LRRC49: variants seen among roughly 807,000 people sequenced by gnomAD.
The protein encoded by LRRC49 is leucine-rich repeat-containing protein 49.
In LRRC49, 50 loss-of-function variants were observed where a neutral mutation model predicts 83.3. The observed-to-expected ratio is 0.60, with a 90% CI of 0.48 to 0.76. The LOEUF is 0.76. Among genes scored for constraint, LRRC49 ranks in the 30% least tolerant of loss-of-function variants. The pLI, the probability that LRRC49 is intolerant of heterozygous loss-of-function variation, is 0.00. For missense variants in LRRC49, 704 were observed against 809.1 expected, an observed-to-expected ratio of 0.87 and a Z score of 1.58; for synonymous variants, 286 against 283.3, an observed-to-expected ratio of 1.01 and a Z score of -0.10.
intron 11 of LRRC49, among the ~76,000 whole-genome samples, chr15:70,987,189 G>A (rs1027145808): frequency 3.9e-5 from 6 of 152,122 alleles, no homozygotes; most frequent in Admixed American, 1.3e-4. Context: ...TCTATTGATT[G>A]GAATAGTTTC....
At chr15:70,935,898 A>T (rs2141156728) in intron 7 of LRRC49, among the ~76,000 whole-genome samples, 1 of 152,270 alleles carries the variant, frequency 6.6e-6, no homozygotes, top group South Asian at 2.1e-4. Flanking sequence ...TCGATTGGTC[A>T]CTTTTCTAGG....
chr15:70,933,985 CTG>C (rs2035508963), intron 7 of LRRC49, among the ~76,000 whole-genome samples: 1 of 152,160 alleles, frequency 6.6e-6, no homozygotes, highest in South Asian at 2.1e-4. Context: ...TTCAGGTGAT[CTG>C]TGTTTCATTT....
At chr15:70,971,448 A>G (rs1381165095) in intron 9 of LRRC49, among the ~76,000 whole-genome samples, 2 of 152,146 alleles carry the variant, frequency 1.3e-5, no homozygotes, top group Non-Finnish European at 2.9e-5. Context: ...TATTCTGTTG[A>G]TTTGGGGTGG....
intron 14 of LRRC49, among the ~76,000 whole-genome samples, chr15:71,018,163 C>G (rs2038884827): frequency 6.6e-6 from 1 of 151,174 alleles, no homozygotes; most frequent in Non-Finnish European, 1.5e-5. Flanking sequence ...ATATTATGAC[C>G]CAATGTTATT....
chr15:70,861,240 G>T (rs1217300151), intron 1 of LRRC49, among the ~76,000 whole-genome samples: 1 of 151,964 alleles, frequency 6.6e-6, no homozygotes, highest in East Asian at 1.9e-4. Context: ...CAGGGCCTAG[G>T]ATATAGTAGC....
intron 1 of LRRC49, chr15:70,893,315 C>T (rs549446816): frequency 2.5e-5 from 14 of 557,054 alleles, no homozygotes; most frequent in African/African-American, 2.3e-4. Flanking sequence ...TTATTTAGAC[C>T]TGAATGGCAA....
At chr15:71,030,411 G>A (rs1471109518) in intron 14 of LRRC49, among the ~76,000 whole-genome samples, 1 of 152,184 alleles carries the variant, frequency 6.6e-6, no homozygotes, top group East Asian at 1.9e-4. Flanking sequence ...GCTTCCCTTT[G>A]TGGGTAACCT....
chr15:70,891,565 CTCTGTGTGTGTGTGTGTG>C (rs2033565862), upstream of LRRC49, among the ~76,000 whole-genome samples: 1 of 118,954 alleles, frequency 8.4e-6, no homozygotes, highest in African/African-American at 3.0e-5. Context: ...CAGGACAAGA[CTCTGTGTGTGTGTGTGTG>C]TGTGTGTGTG....
intron 5 of LRRC49, chr15:70,907,725 G>T: frequency 3.4e-6 from 1 of 296,844 alleles, no homozygotes; most frequent in Non-Finnish European, 6.8e-6. Context: ...AACATAATGT[G>T]GCCTGCGGAG....
chr15:71,022,547 C>G (rs2039027232), intron 14 of LRRC49, among the ~76,000 whole-genome samples: 1 of 152,052 alleles, frequency 6.6e-6, no homozygotes. Context: ...AATGGAGTAG[C>G]TATTGAGGAC....
chr15:70,981,349 T>TG (rs1343616043), intron 10 of LRRC49, among the ~76,000 whole-genome samples: 5 of 65,226 alleles, frequency 7.7e-5, no homozygotes, highest in African/African-American at 3.0e-4. Flanking sequence ...TGTTGGAGGG[T>TG]GGGGGGGCTA....
chr15:70,972,859 A>G (rs1405095489), intron 9 of LRRC49, among the ~76,000 whole-genome samples: 2 of 151,824 alleles, frequency 1.3e-5, no homozygotes, highest in African/African-American at 4.8e-5. Flanking sequence ...TCTTCTCTAA[A>G]CTGGTTATTC....
chr15:71,048,788 C>T (rs1258738985), intron 15 of LRRC49: 2 of 455,878 alleles, frequency 4.4e-6, no homozygotes, highest in Non-Finnish European at 8.8e-6. Flanking sequence ...TTTCACACTG[C>T]CAGACCCAGA....
chr15:70,875,092 A>G (rs774010142), intron 2 of LRRC49, among the ~76,000 whole-genome samples: 2 of 152,274 alleles, frequency 1.3e-5, no homozygotes, highest in African/African-American at 2.4e-5. Context: ...GGCTGGGATT[A>G]TACCAGATAA....
intron 8 of LRRC49, among the ~76,000 whole-genome samples, chr15:70,939,064 A>G (rs1295460913): frequency 6.6e-6 from 1 of 152,230 alleles, no homozygotes; most frequent in East Asian, 1.9e-4. Context: ...CAACATGGAA[A>G]CTGGGTTACA....
Position 70,936,757 on chromosome 15 carries a change from CCA to C in LRRC49, c.712-3_712-2del. The stretch of plus-strand genomic sequence containing the variant: ...ATTAAGTTTTGCTGTCTATTTTCTT[CCA>C]GAGAGATGTGGATAATTTGCCCTGC... On this transcript the variant is annotated splice_acceptor_variant and splice_polypyrimidine_tract_variant and intron_variant, in intron 7 of 15. Coordinates refer to ENST00000260382, the MANE Select transcript of LRRC49 (RefSeq NM_017691.5). LOFTEE classifies it high-confidence loss of function. 3 of 1,596,294 alleles carry C rather than the reference CCA, an allele frequency of 1.9e-6. No individual in the cohort carries two copies. Among genetic ancestry groups the C allele is most frequent in the Non-Finnish European group, 2.6e-6 (3 of 1,164,452 alleles).
rs996338817 is a variant in LRRC49, at chr15:70,878,397, A to C, written c.18+5174A>C. Among the ~76,000 whole-genome samples, 4 of 152,168 alleles carry C rather than the reference A, an allele frequency of 2.6e-5. No individual in the cohort carries two copies. In the East Asian group the frequency reaches 7.7e-4, roughly 29 times the overall value. On this transcript the variant is annotated intron_variant, in intron 2 of 16. Coordinates refer to the LRRC49 transcript ENST00000544974. ...ACAACCTTATTTCCTCCTTTTAAACATCTGTGCATTTTGTTTTGCCATTTC... is the reference window on the plus strand; with the variant it reads ...ACAACCTTATTTCCTCCTTTTAAACCTCTGTGCATTTTGTTTTGCCATTTC...
rs548713688 is a variant in LRRC49, at chr15:71,028,096, C to T, written c.1704-9083C>T. Reference sequence around the variant, plus strand: ...GGCTATGGGTTTGTCATAAATAGCTCTTATTATTTTGAGATATGTTCCATC... The same window carrying T: ...GGCTATGGGTTTGTCATAAATAGCTTTTATTATTTTGAGATATGTTCCATC... On this transcript the variant is annotated intron_variant, in intron 14 of 15. Coordinates refer to ENST00000260382, the MANE Select transcript of LRRC49 (RefSeq NM_017691.5). Among the ~76,000 whole-genome samples, 58 of 152,190 alleles carry T rather than the reference C, an allele frequency of 3.8e-4. 1 individual carries two copies. The highest frequency in any genetic ancestry group is 3.6e-3 in the Admixed American group (55 of 15,288).
chr15:71,038,622 T>C, intron 15 of LRRC49, among the ~76,000 whole-genome samples: 1 of 152,186 alleles, frequency 6.6e-6, no homozygotes, highest in East Asian at 1.9e-4. Context: ...CTTTAAGTTC[T>C]TCTAGTGTGA....
Sources: allele counts gnomAD v4.1 joint callset (sites outside exome capture counted in the v4.1 genomes callset), GRCh38; gene constraint gnomAD v4.1.1; transcripts MANE v1.5; gene names NCBI Gene and HGNC (gene_info 2026-07-23, HGNC 2026-07-21).